The following MCC variants were observed in gnomAD, a reference collection of about 807,000 sequenced individuals.
MCC encodes MCC regulator of Wnt signaling pathway.
MCC carries 90 observed loss-of-function variants against 116.2 expected under a neutral mutation model. The observed-to-expected ratio is 0.77, with a 90% confidence interval of 0.65 to 0.92. The LOEUF is 0.92. Among genes scored for constraint, MCC ranks in the 40% least tolerant of loss-of-function variants. MCC has a pLI of 0.00. For missense variants in MCC, 1,516 were observed against 1,312.2 expected, an observed-to-expected ratio of 1.16 and a Z score of -2.40; for synonymous variants, 578 against 510.5, an observed-to-expected ratio of 1.13 and a Z score of -1.78.
At chr5:113,337,817 T>C (rs1767906321) in intron 3 of MCC, among the ~76,000 whole-genome samples, 1 of 152,236 alleles carries the variant, frequency 6.6e-6, no homozygotes, top group Admixed American at 6.5e-5. Flanking sequence ...AATAAAGGGA[T>C]TGCCCAAATG....
At chr5:113,463,746 C>T (rs550257728) in intron 1 of MCC, among the ~76,000 whole-genome samples, 42 of 152,282 alleles carry the variant, frequency 2.8e-4, no homozygotes, top group African/African-American at 9.6e-4. Context: ...CCGAGCTGGA[C>T]ATTTACTAAG....
intron 3 of MCC, among the ~76,000 whole-genome samples, chr5:113,339,649 G>A (rs2150378516): frequency 6.6e-6 from 1 of 152,258 alleles, no homozygotes; most frequent in Middle Eastern, 3.4e-3. Context: ...GGATTTTTCT[G>A]ATGATTGTAT....
chr5:113,168,324 C>A (rs1230093124), intron 3 of MCC, among the ~76,000 whole-genome samples: 1 of 152,108 alleles, frequency 6.6e-6, no homozygotes, highest in Non-Finnish European at 1.5e-5. Context: ...CAGATAAATG[C>A]CAGATGTTAA....
At position 113,026,687 on chromosome 5, in the gene MCC, A is replaced by G. The variant is rs775019290; in HGVS notation, c.*615T>C. 4 of 152,290 alleles carry G rather than the reference A, an allele frequency of 2.6e-5. No homozygotes were observed. The highest frequency in any genetic ancestry group is 5.9e-5 in the Non-Finnish European group (4 of 68,176). 9.4% of individuals were successfully genotyped at this position (152,290 alleles called of 1,614,324 possible). A position where few individuals can be genotyped will look rare whatever the true frequency, so the allele number is the denominator to read the frequency against. On this transcript the variant is annotated 3_prime_UTR_variant, in exon 19 of 19. Coordinates refer to ENST00000408903, the MANE Select transcript of MCC (RefSeq NM_001085377.2). The stretch of plus-strand genomic sequence containing the variant: ...GGTGGTCTGTTTGTAACTTTAGTGT[A>G]TCTGGGACTGTAAGTAACACCTGTC...
At chr5:113,159,957 C>A (rs1474886985) in intron 3 of MCC, among the ~76,000 whole-genome samples, 3 of 152,234 alleles carry the variant, frequency 2.0e-5, no homozygotes, top group African/African-American at 7.2e-5. Context: ...AAAGCAGCAG[C>A]TTTTCATCTT....
intron 3 of MCC, among the ~76,000 whole-genome samples, chr5:113,325,162 C>T (rs1767521598): frequency 6.6e-6 from 1 of 151,998 alleles, no homozygotes; most frequent in East Asian, 1.9e-4. Flanking sequence ...TTATAACTCA[C>T]AATGAGATAA....
chr5:113,068,153 G>A lies in MCC; in HGVS notation c.1956C>T (p.Leu652=). 1.2e-6 allele frequency: 2 copies of A among 1,614,164 alleles called. No individual in the cohort carries two copies. The highest frequency in any genetic ancestry group is 8.5e-7 in the Non-Finnish European group (1 of 1,180,008). The change falls in exon 13 of 19, where the codon CTC becomes CTT. Residue 652 remains leucine (L), a synonymous_variant. Coordinates refer to ENST00000408903, the MANE Select transcript of MCC (RefSeq NM_001085377.2). ...TCTGCTCACTCTCTGCCAGCGCCAG[G>A]AGGAGTTCGTAGGCTTCGATGCACT... ...SEQCIEAYEL[L]LALAESEQSL... is the part of the protein sequence containing the mutation.
At chr5:113,195,282 G>T (rs1297083751) in intron 3 of MCC, among the ~76,000 whole-genome samples, 1 of 152,170 alleles carries the variant, frequency 6.6e-6, no homozygotes, top group South Asian at 2.1e-4. Context: ...ACCCAGCATC[G>T]GGAATGTAGA....
chr5:113,271,173 G>A (rs1765605310), intron 3 of MCC, among the ~76,000 whole-genome samples: 1 of 152,296 alleles, frequency 6.6e-6, no homozygotes, highest in African/African-American at 2.4e-5. Context: ...GAATTGCAAG[G>A]ATATAATGCA....
chr5:113,207,973 G>C (rs1762979711), intron 3 of MCC, among the ~76,000 whole-genome samples: 1 of 152,064 alleles, frequency 6.6e-6, no homozygotes, highest in Admixed American at 6.5e-5. Context: ...ACTTAAAAGA[G>C]GGAAATTATC....
At chr5:113,165,697 C>T (rs920810256) in intron 3 of MCC, among the ~76,000 whole-genome samples, 1 of 152,116 alleles carries the variant, frequency 6.6e-6, no homozygotes, top group African/African-American at 2.4e-5. Context: ...TTGTTTCTGA[C>T]TTTCTCTAAA....
At chr5:113,449,934 A>AT (rs1290347264) in intron 1 of MCC, among the ~76,000 whole-genome samples, 3 of 152,172 alleles carry the variant, frequency 2.0e-5, no homozygotes, top group Non-Finnish European at 2.9e-5. Flanking sequence ...TTGGAGTATG[A>AT]TTTTTTCCAT....
intron 3 of MCC, among the ~76,000 whole-genome samples, chr5:113,305,166 T>C (rs75240850): frequency 0.027 from 4,124 of 152,254 alleles, 191 homozygotes; most frequent in African/African-American, 0.095. Flanking sequence ...TGCCCATGGA[T>C]GGACTGCTAT....
chr5:113,381,809 C>T (rs1769130675), intron 2 of MCC, among the ~76,000 whole-genome samples: 1 of 151,994 alleles, frequency 6.6e-6, no homozygotes, highest in Non-Finnish European at 1.5e-5. Flanking sequence ...TAAATAAACC[C>T]ATGGGACCAC....
intron 11 of MCC, among the ~76,000 whole-genome samples, chr5:113,075,761 C>A (rs760168711): frequency 6.6e-6 from 1 of 152,208 alleles, no homozygotes; most frequent in Non-Finnish European, 1.5e-5. Flanking sequence ...CCCTTCCATG[C>A]TGTGGAAGCT....
intron 3 of MCC, among the ~76,000 whole-genome samples, chr5:113,284,789 A>G (rs965186014): frequency 6.6e-6 from 1 of 152,238 alleles, no homozygotes. Context: ...TCAATAGGAA[A>G]TAAGTGTCAG....
At chr5:113,203,614 A>C (rs58254276) in intron 3 of MCC, among the ~76,000 whole-genome samples, 4 of 152,206 alleles carry the variant, frequency 2.6e-5, no homozygotes, top group African/African-American at 9.7e-5. Context: ...TTTCGCTTCC[A>C]AAGTTTGTGG....
chr5:113,369,218 G>A (rs371475255), intron 2 of MCC, among the ~76,000 whole-genome samples: 17 of 151,996 alleles, frequency 1.1e-4, no homozygotes, highest in African/African-American at 4.1e-4. Flanking sequence ...AGAGGTTGGG[G>A]GCTGGGGCTT....
rs1015811322 is a variant in MCC, at chr5:113,385,461, T to C, written c.171-249A>G. ...TAATCTTTTGTTCTCTTTTTCTTCC[T>C]GTTTCCACACCCTTCTCTCCCTTTC... On this transcript the variant is annotated intron_variant, in intron 1 of 18. Coordinates refer to ENST00000408903, the MANE Select transcript of MCC (RefSeq NM_001085377.2). Among the ~76,000 whole-genome samples the C allele has an allele frequency of 2.6e-5, 4 of 152,346 alleles. No individual in the cohort carries two copies. In the South Asian group the frequency reaches 8.3e-4, roughly 32 times the overall value.
Sources: allele counts gnomAD v4.1 joint callset (sites outside exome capture counted in the v4.1 genomes callset), GRCh38; gene constraint gnomAD v4.1.1; transcripts MANE v1.5; gene names NCBI Gene and HGNC (gene_info 2026-07-23, HGNC 2026-07-21).